The following HIP1 variants were observed in gnomAD, a reference collection of about 807,000 sequenced individuals.
HIP1 encodes huntingtin-interacting protein 1.
Under a neutral mutation model 147.6 loss-of-function variants are expected in HIP1, and 65 were observed. That is an observed-to-expected ratio of 0.44 (90% CI 0.36 to 0.54). The LOEUF is 0.54. HIP1 is among the 20% of genes least tolerant of loss of function. The pLI, the probability that HIP1 is intolerant of heterozygous loss-of-function variation, is 0.00. For synonymous variants in HIP1, 479 were observed against 504.0 expected, an observed-to-expected ratio of 0.95 and a Z score of 0.67; for missense variants, 1,061 against 1,299.6, an observed-to-expected ratio of 0.82 and a Z score of 2.82.
At chr7:75,690,723 A>T (rs1365469086) in intron 1 of HIP1, among the ~76,000 whole-genome samples, 11 of 151,970 alleles carry the variant, frequency 7.2e-5, no homozygotes, top group Non-Finnish European at 1.3e-4. Context: ...TTAGCCGGGC[A>T]TGGTGGTGCA....
chr7:75,547,934 A>G (rs1794632802), intron 23 of HIP1, 121 bp from the exon 24 acceptor site: 7 of 847,830 alleles, frequency 8.3e-6, no homozygotes, highest in Non-Finnish European at 1.0e-5. Flanking sequence ...GAAGTCCCCA[A>G]GTCCCTGCCC....
intron 8 of HIP1, among the ~76,000 whole-genome samples, chr7:75,570,260 G>A (rs1347232116): frequency 2.8e-5 from 4 of 144,324 alleles, no homozygotes; most frequent in African/African-American, 1.0e-4. Flanking sequence ...TAATAATAAG[G>A]TATCAACACT....
At chr7:75,689,612 T>G (rs1201007207) in intron 1 of HIP1, among the ~76,000 whole-genome samples, 2 of 152,198 alleles carry the variant, frequency 1.3e-5, no homozygotes, top group African/African-American at 4.8e-5. Context: ...TATGCATATA[T>G]AAATAAAAAT....
At chr7:75,541,160 G>C (rs982656817) in intron 29 of HIP1, among the ~76,000 whole-genome samples, 1 of 151,986 alleles carries the variant, frequency 6.6e-6, no homozygotes, top group African/African-American at 2.4e-5. Flanking sequence ...ACTTTGGAAG[G>C]CCCAGGTGGG....
At chr7:75,542,603 G>A (rs1458001847) in intron 28 of HIP1, among the ~76,000 whole-genome samples, 5 of 152,202 alleles carry the variant, frequency 3.3e-5, no homozygotes, top group African/African-American at 1.2e-4. Context: ...GGAAGCTGAG[G>A]CAGGAGAATC....
chr7:75,586,195 T>C (rs930120209), intron 5 of HIP1, among the ~76,000 whole-genome samples: 2 of 151,308 alleles, frequency 1.3e-5, no homozygotes, highest in Admixed American at 6.6e-5. Flanking sequence ...TTACTCTTTC[T>C]TTTTTTTGTT....
At position 75,568,329 on chromosome 7, in the gene HIP1, G is replaced by C. The variant is rs1795486967; in HGVS notation, c.746-73C>G. 10 of 977,992 alleles carry C rather than the reference G, an allele frequency of 1.0e-5. No individual in the cohort carries two copies. The highest frequency in any genetic ancestry group is 4.8e-5 in the East Asian group (2 of 41,994). The allele number at this position is 977,992 out of a possible 1,614,324, so 60.6% of individuals were successfully genotyped here. On this transcript the variant is annotated intron_variant, in intron 8 of 30. Transcript: ENST00000336926. The surrounding 1 kb of genome is among the most constrained non-coding windows in gnomAD (Gnocchi z 4.1). ...AGGGAAGCCACAGCGGGGCTCTCGAGGGGGAGGGGCCCAGCTACCCTGGGG... is the reference window on the plus strand; with the variant it reads ...AGGGAAGCCACAGCGGGGCTCTCGACGGGGAGGGGCCCAGCTACCCTGGGG...
intron 1 of HIP1, among the ~76,000 whole-genome samples, chr7:75,719,425 A>G (rs1801431976): frequency 1.3e-5 from 2 of 151,462 alleles, no homozygotes; most frequent in South Asian, 4.2e-4. Context: ...AATGGCGGGA[A>G]CCCGGAAGGT....
intron 12 of HIP1, 110 bp downstream of exon 12, chr7:75,561,963 A>G (rs1795243052): frequency 5.6e-6 from 4 of 710,050 alleles, no homozygotes; most frequent in Non-Finnish European, 1.0e-5. Context: ...GATGTTCTGT[A>G]TCTAAGAAGC....
chr7:75,613,237 A>C (rs111349887), intron 1 of HIP1, among the ~76,000 whole-genome samples: 71 of 152,216 alleles, frequency 4.7e-4, no homozygotes, highest in African/African-American at 1.7e-3. Flanking sequence ...TGACAGGGAG[A>C]GTACAGAACC....
chr7:75,605,440 A>G (rs1584869615), intron 1 of HIP1, among the ~76,000 whole-genome samples: 1 of 152,206 alleles, frequency 6.6e-6, no homozygotes, highest in South Asian at 2.1e-4. Context: ...AGAAGAGATG[A>G]CAGCAGGTGG....
intron 6 of HIP1, among the ~76,000 whole-genome samples, chr7:75,581,523 A>G (rs1796046568): frequency 6.6e-6 from 1 of 152,240 alleles, no homozygotes; most frequent in South Asian, 2.1e-4. Context: ...TCACGCCTGT[A>G]ATCCCAGCAC....
At chr7:75,587,483 GTGAC>G (rs1353644464) in intron 4 of HIP1, among the ~76,000 whole-genome samples, 2 of 152,124 alleles carry the variant, frequency 1.3e-5, no homozygotes, top group Admixed American at 1.3e-4. Context: ...ATTATTTTTA[GTGAC>G]TGACCAGTAT....
chr7:75,631,791 C>T (rs1318943295), intron 1 of HIP1, among the ~76,000 whole-genome samples: 8 of 152,068 alleles, frequency 5.3e-5, no homozygotes, highest in African/African-American at 1.7e-4. Context: ...TGGGTTTGAA[C>T]TGGGACCTCT....
intron 1 of HIP1, among the ~76,000 whole-genome samples, chr7:75,728,787 C>CAAAA (rs782634244): frequency 4.8e-5 from 3 of 62,754 alleles, no homozygotes; most frequent in African/African-American, 1.2e-4. Context: ...GACTCTGTCT[C>CAAAA]AAAAAAAAAA....
In HIP1 at chr7:75,534,832, G is replaced by A. The variant is rs782544422; in HGVS notation, c.*3340C>T. On this transcript the variant is annotated 3_prime_UTR_variant, in exon 31 of 31. Coordinates refer to ENST00000336926, the MANE Select transcript of HIP1 (RefSeq NM_005338.7). ...TGCAGCTGTTTTTTAACTTCTTGTC[G>A]ATCCTAAGCCATGATTTTGTTGCTG... 1.5e-5 allele frequency: 3 copies of A among 202,644 alleles called. No individual in the cohort carries two copies. The highest frequency in any genetic ancestry group is 3.0e-5 in the Non-Finnish European group (3 of 98,670). 12.6% of individuals were successfully genotyped at this position (202,644 alleles called of 1,614,324 possible).
At chr7:75,721,788 T>C (rs1321028778) in intron 1 of HIP1, among the ~76,000 whole-genome samples, 3 of 152,188 alleles carry the variant, frequency 2.0e-5, no homozygotes, top group Non-Finnish European at 2.9e-5. Flanking sequence ...CAAAGGCCCA[T>C]GTGATCAATG....
intron 5 of HIP1, among the ~76,000 whole-genome samples, chr7:75,583,805 T>TGTGTGTGTGTGTGTGTGG (rs1554499082): frequency 7.4e-6 from 1 of 135,156 alleles, no homozygotes; most frequent in South Asian, 2.4e-4. Context: ...TGTGTGTGTG[T>TGTGTGTGTGTGTGTGTGG]TTAGTAGAGA....
intron 1 of HIP1, among the ~76,000 whole-genome samples, chr7:75,696,093 C>T (rs1185980856): frequency 1.3e-5 from 2 of 152,050 alleles, no homozygotes; most frequent in African/African-American, 4.8e-5. Flanking sequence ...CTCAAGCAAT[C>T]CTCCTGCCTC....
Sources: allele counts gnomAD v4.1 joint callset (sites outside exome capture counted in the v4.1 genomes callset), GRCh38; gene constraint gnomAD v4.1.1; non-coding constraint Gnocchi (gnomAD v3.1); transcripts MANE v1.5; gene names NCBI Gene and HGNC (gene_info 2026-07-23, HGNC 2026-07-21).